Variants in SMIM14 observed in about 807,000 individuals in gnomAD.
SMIM14 encodes the protein small integral membrane protein 14, also known as chromosome 4 open reading frame 34.
Under a neutral mutation model 12.6 loss-of-function variants are expected in SMIM14, and 5 were observed. That is an observed-to-expected ratio of 0.40 (90% CI 0.21 to 0.83). The LOEUF (loss-of-function observed/expected upper bound fraction) is 0.83. SMIM14 is among the 40% of genes least tolerant of loss of function. SMIM14 has a pLI of 0.37. For missense variants in SMIM14, 86 were observed against 119.1 expected, an observed-to-expected ratio of 0.72 and a Z score of 1.29; for synonymous variants, 30 against 40.1, an observed-to-expected ratio of 0.75 and a Z score of 0.95.
At chr4:39,583,110 A>T (rs1434152902) in intron 2 of SMIM14, among the ~76,000 whole-genome samples, 1 of 151,812 alleles carries the variant, frequency 6.6e-6, no homozygotes, top group African/African-American at 2.4e-5. Context: ...TTTTTAAGAG[A>T]CAGGGTGTCA....
At chr4:39,622,443 C>T (rs1300359309) in intron 1 of SMIM14, among the ~76,000 whole-genome samples, 1 of 151,968 alleles carries the variant, frequency 6.6e-6, no homozygotes, top group Non-Finnish European at 1.5e-5. Context: ...CTTTTTTGCC[C>T]AGGCTGGAGT....
chr4:39,587,213 G>A (rs1713823255), intron 2 of SMIM14, among the ~76,000 whole-genome samples: 1 of 151,764 alleles, frequency 6.6e-6, no homozygotes, highest in South Asian at 2.1e-4. Flanking sequence ...ATTTCTAGAA[G>A]GAGCCAGGCA....
At chr4:39,615,374 T>A (rs568737208) in intron 1 of SMIM14, among the ~76,000 whole-genome samples, 1 of 152,300 alleles carries the variant, frequency 6.6e-6, no homozygotes, top group South Asian at 2.1e-4. Flanking sequence ...CCAAAAGAAC[T>A]TTAAAAAATA....
At chr4:39,583,024 T>TGG (rs1713598395) in intron 2 of SMIM14, among the ~76,000 whole-genome samples, 1 of 152,052 alleles carries the variant, frequency 6.6e-6, no homozygotes, top group Admixed American at 6.6e-5. Flanking sequence ...ACTCCTGATC[T>TGG]CAGATGTTCC....
intron 4 of SMIM14, among the ~76,000 whole-genome samples, chr4:39,553,294 C>T (rs909941741): frequency 2.6e-5 from 4 of 151,964 alleles, no homozygotes; most frequent in Non-Finnish European, 4.4e-5. Context: ...AACTCCTGAC[C>T]TCAAATGATC....
chr4:39,622,284 G>A (rs993945935), intron 1 of SMIM14, among the ~76,000 whole-genome samples: 1 of 151,980 alleles, frequency 6.6e-6, no homozygotes, highest in Non-Finnish European at 1.5e-5. Flanking sequence ...GGGTTTCACT[G>A]TGTTAGCCAG....
chr4:39,595,021 A>G (rs1289088362), intron 2 of SMIM14, among the ~76,000 whole-genome samples: 45 of 148,616 alleles, frequency 3.0e-4, no homozygotes, highest in Non-Finnish European at 1.2e-4. Context: ...CTAGAACTAG[A>G]AATACCATTT....
intron 2 of SMIM14, among the ~76,000 whole-genome samples, chr4:39,596,655 G>C (rs114698983): frequency 3.3e-5 from 5 of 152,090 alleles, no homozygotes; most frequent in African/African-American, 1.2e-4. Flanking sequence ...ATATCCCTTT[G>C]AACCTTTTTT....
chr4:39,628,480 C>A (rs922792075), intron 1 of SMIM14, among the ~76,000 whole-genome samples: 8 of 151,744 alleles, frequency 5.3e-5, no homozygotes, highest in African/African-American at 1.7e-4. Flanking sequence ...CAAGACCAGC[C>A]GGGCCAACAT....
intron 1 of SMIM14, among the ~76,000 whole-genome samples, chr4:39,619,094 T>C (rs993380800): frequency 1.3e-4 from 20 of 151,682 alleles, no homozygotes; most frequent in Admixed American, 3.9e-4. Context: ...TAATTTAGCA[T>C]GTTCAGTTCA....
At chr4:39,575,733 A>G (rs1190114147) in intron 2 of SMIM14, among the ~76,000 whole-genome samples, 3 of 145,674 alleles carry the variant, frequency 2.1e-5, no homozygotes, top group Non-Finnish European at 4.5e-5. Flanking sequence ...ACAGGTGCAC[A>G]TCACCATGCC....
intron 1 of SMIM14, among the ~76,000 whole-genome samples, chr4:39,626,162 T>C (rs548331498): frequency 1.3e-5 from 2 of 152,280 alleles, no homozygotes; most frequent in East Asian, 3.9e-4. Context: ...TAATGTCTGA[T>C]GATCTGAGGT....
intron 2 of SMIM14, among the ~76,000 whole-genome samples, chr4:39,590,455 T>C (rs1354132518): frequency 6.6e-6 from 1 of 151,346 alleles, no homozygotes; most frequent in East Asian, 1.9e-4. Context: ...GGGGATTTTG[T>C]GTAGGCAACT....
At chr4:39,592,341 A>G (rs905948969) in intron 2 of SMIM14, among the ~76,000 whole-genome samples, 3 of 150,690 alleles carry the variant, frequency 2.0e-5, no homozygotes, top group Non-Finnish European at 4.4e-5. Flanking sequence ...GCCTTTAAAC[A>G]ATCCTCCCGC....
At chr4:39,573,503 T>A (rs1378547817) in intron 2 of SMIM14, among the ~76,000 whole-genome samples, 1 of 152,140 alleles carries the variant, frequency 6.6e-6, no homozygotes, top group African/African-American at 2.4e-5. Context: ...CTACCCAAAA[T>A]AATTTTCAAA....
chr4:39,609,198 T>G (rs1714930457), intron 1 of SMIM14, among the ~76,000 whole-genome samples: 1 of 152,062 alleles, frequency 6.6e-6, no homozygotes. Flanking sequence ...GCCAGGATGG[T>G]CTCGAACTCC....
intron 1 of SMIM14, among the ~76,000 whole-genome samples, chr4:39,631,658 CAAA>C (rs757683389): frequency 1.3e-5 from 1 of 76,384 alleles, no homozygotes; most frequent in Non-Finnish European, 2.9e-5. Context: ...GACTCCGTCT[CAAA>C]AAAAAAAAAA....
chr4:39,619,850 T>TA (rs2110072725), intron 1 of SMIM14, among the ~76,000 whole-genome samples: 1 of 70,128 alleles, frequency 1.4e-5, no homozygotes, highest in Non-Finnish European at 2.5e-5. Flanking sequence ...ATATATATAT[T>TA]TATATATATT....
At position 39,598,758 on chromosome 4, in the gene SMIM14, C is replaced by T. The variant is rs370688682; in HGVS notation, c.75+6313G>A. ...ACTTTTCAAAACTTGTTTACAGTTC[C>T]CTAGATCACAAGATGTCTAGACTCA... On this transcript the variant is annotated intron_variant, in intron 2 of 4. Coordinates refer to ENST00000295958, the MANE Select transcript of SMIM14 (RefSeq NM_174921.3). 2.4e-4 allele frequency among the ~76,000 whole-genome samples: 37 copies of T among 152,108 alleles called. 1 individual carries two copies. Among genetic ancestry groups the T allele is most frequent in the Middle Eastern group, 3.4e-3 (1 of 294 alleles).
Sources: gnomAD v4.1 joint callset for allele counts (sites outside exome capture counted in the v4.1 genomes callset) on GRCh38, gnomAD v4.1.1 for gene constraint, MANE v1.5 for transcripts, NCBI Gene and HGNC (gene_info 2026-07-23, HGNC 2026-07-21) for gene names.